Variants in THSD7A observed in about 807,000 individuals in gnomAD.
The protein encoded by THSD7A is thrombospondin type-1 domain-containing protein 7A.
THSD7A carries 96 observed loss-of-function variants against 231.3 expected under a neutral mutation model. That is an observed-to-expected ratio of 0.41 (90% CI 0.35 to 0.49). The LOEUF (loss-of-function observed/expected upper bound fraction) is 0.49, where lower values mean the gene tolerates loss of function less well. Ranked by LOEUF, THSD7A falls within the 20% of genes least tolerant of loss-of-function variation. THSD7A has a pLI of 0.05. For synonymous variants in THSD7A, 940 were observed against 743.3 expected, an observed-to-expected ratio of 1.26 and a Z score of -4.30; for missense variants, 2,290 against 2,070.2, an observed-to-expected ratio of 1.11 and a Z score of -2.06.
At chr7:11,679,427 C>A (rs1441937203) in intron 1 of THSD7A, among the ~76,000 whole-genome samples, 1 of 152,110 alleles carries the variant, frequency 6.6e-6, no homozygotes, top group East Asian at 1.9e-4. Flanking sequence ...TTTCAGATGA[C>A]TTGATTGGAT....
intron 2 of THSD7A, 111 bp from the exon 3 acceptor site, chr7:11,593,613 T>C: frequency 2.2e-6 from 3 of 1,348,178 alleles, no homozygotes; most frequent in Non-Finnish European, 3.0e-6. Context: ...CTTGGAGGTG[T>C]GATTCCAGTT....
intron 24 of THSD7A, among the ~76,000 whole-genome samples, chr7:11,381,222 T>C (rs967861506): frequency 6.6e-6 from 1 of 152,110 alleles, no homozygotes; most frequent in African/African-American, 2.4e-5. Context: ...GGAGCAGATT[T>C]TTCTCCCAAA....
chr7:11,800,315 G>A (rs564036463), intron 1 of THSD7A, among the ~76,000 whole-genome samples: 76 of 152,278 alleles, frequency 5.0e-4, no homozygotes, highest in African/African-American at 1.8e-3. Context: ...TTTGGAGGCC[G>A]AGGTGAGAAG....
intron 11 of THSD7A, among the ~76,000 whole-genome samples, chr7:11,457,333 C>T (rs886382310): frequency 1.3e-5 from 2 of 151,712 alleles, no homozygotes; most frequent in African/African-American, 4.9e-5. Flanking sequence ...AGAATTTTCA[C>T]CAATATAACT....
rs1268141139 is a variant in THSD7A, at chr7:11,371,504, G to T, written c.*4290C>A. 1.3e-5 allele frequency: 2 copies of T among 152,132 alleles called. 1 individual carries two copies. Among genetic ancestry groups the T allele is most frequent in the Admixed American group, 1.3e-4 (2 of 15,254 alleles). The allele number at this position is 152,132 out of a possible 1,614,324, so 9.4% of individuals were successfully genotyped here. A position where few individuals can be genotyped will look rare whatever the true frequency, so the allele number is the denominator to read the frequency against. ...GGAAATAGAAGAAGAACCCACACTT[G>T]AATTTGGTAATATATTTATAAACAG... On this transcript the variant is annotated 3_prime_UTR_variant, in exon 28 of 28. Transcript: ENST00000423059.
At chr7:11,703,872 A>G (rs1005270391) in intron 1 of THSD7A, among the ~76,000 whole-genome samples, 3 of 151,202 alleles carry the variant, frequency 2.0e-5, no homozygotes, top group African/African-American at 4.8e-5. Flanking sequence ...CTTCAGTTAA[A>G]GACATCCCCT....
chr7:11,390,850 C>T (rs1308568174), intron 23 of THSD7A, among the ~76,000 whole-genome samples: 12 of 152,182 alleles, frequency 7.9e-5, no homozygotes, highest in African/African-American at 7.2e-5. Flanking sequence ...ACAATCAGAA[C>T]CCTCTGCTGC....
chr7:11,823,737 G>A (rs570089750), intron 1 of THSD7A, among the ~76,000 whole-genome samples: 1 of 151,938 alleles, frequency 6.6e-6, no homozygotes, highest in East Asian at 1.9e-4. Context: ...TTATTTTCTT[G>A]ATTTCTTTCT....
intron 15 of THSD7A, among the ~76,000 whole-genome samples, chr7:11,425,783 GAGCA>G (rs1032433319): frequency 1.1e-4 from 16 of 150,896 alleles, no homozygotes; most frequent in African/African-American, 3.7e-4. Flanking sequence ...CAGAGACAGA[GAGCA>G]AGAGAGAGAG....
At chr7:11,471,239 A>G (rs1425713602) in intron 8 of THSD7A, among the ~76,000 whole-genome samples, 1 of 152,032 alleles carries the variant, frequency 6.6e-6, no homozygotes. Context: ...ACAGGCAATG[A>G]AAAAATAATC....
chr7:11,639,108 A>G (rs1249524303), intron 1 of THSD7A, among the ~76,000 whole-genome samples: 2 of 152,212 alleles, frequency 1.3e-5, no homozygotes, highest in African/African-American at 4.8e-5. Flanking sequence ...TTAAGAGTAA[A>G]CTATATGCCA....
In THSD7A at chr7:11,411,184, G is replaced by A; in HGVS notation, c.3798+23C>T. On this transcript the variant is annotated intron_variant, in intron 19 of 27. Transcript: ENST00000423059. The surrounding 1 kb of genome is among the most constrained non-coding windows in gnomAD (Gnocchi z 4.1). The stretch of plus-strand genomic sequence containing the variant: ...TATTAGGGAAGAATTTACTCGCGAA[G>A]ATATAACACAGCATCCACCTACCGC... 1 of 1,567,104 alleles carries A rather than the reference G, an allele frequency of 6.4e-7. No homozygotes were observed. The highest frequency in any genetic ancestry group is 8.8e-7 in the Non-Finnish European group (1 of 1,138,544).
chr7:11,769,466 CATA>C (rs926237166), intron 1 of THSD7A, among the ~76,000 whole-genome samples: 4 of 151,916 alleles, frequency 2.6e-5, no homozygotes, highest in Middle Eastern at 3.4e-3. Context: ...GCTGCCATTT[CATA>C]ATAACTTGTG....
intron 2 of THSD7A, among the ~76,000 whole-genome samples, chr7:11,617,413 G>A (rs113840049): frequency 9.2e-4 from 140 of 152,022 alleles, no homozygotes; most frequent in African/African-American, 3.1e-3. Context: ...CTAATTGCAC[G>A]TATATTTGTA....
chr7:11,670,086 T>A (rs1322665284), intron 1 of THSD7A, among the ~76,000 whole-genome samples: 1 of 152,008 alleles, frequency 6.6e-6, no homozygotes, highest in Non-Finnish European at 1.5e-5. Flanking sequence ...TGCAAAAAAA[T>A]TCAGAAGAAA....
chr7:11,787,957 T>G (rs1383414754), intron 1 of THSD7A, among the ~76,000 whole-genome samples: 5 of 152,090 alleles, frequency 3.3e-5, no homozygotes, highest in African/African-American at 1.2e-4. Context: ...ATTAGTTCCA[T>G]GTTACCAATG....
intron 6 of THSD7A, among the ~76,000 whole-genome samples, chr7:11,509,161 A>T (rs1425797307): frequency 2.0e-5 from 3 of 152,206 alleles, no homozygotes; most frequent in Non-Finnish European, 4.4e-5. Context: ...TTAACTTTTA[A>T]ATTTAACTTT....
At chr7:11,697,371 A>G (rs1404300338) in intron 1 of THSD7A, among the ~76,000 whole-genome samples, 1 of 151,170 alleles carries the variant, frequency 6.6e-6, no homozygotes, top group Non-Finnish European at 1.5e-5. Flanking sequence ...TTTATTTTTA[A>G]CTCTGTAATA....
At chr7:11,649,715 G>T (rs868785208) in intron 1 of THSD7A, among the ~76,000 whole-genome samples, 9 of 152,130 alleles carry the variant, frequency 5.9e-5, no homozygotes, top group Middle Eastern at 3.4e-3. Context: ...AACACAGCAG[G>T]AAGTTGAGCA....
Sources: gnomAD v4.1 joint callset for allele counts (sites outside exome capture counted in the v4.1 genomes callset) on GRCh38, gnomAD v4.1.1 for gene constraint, Gnocchi (gnomAD v3.1) non-coding constraint, MANE v1.5 for transcripts, NCBI Gene and HGNC (gene_info 2026-07-23, HGNC 2026-07-21) for gene names.